Variants in UNC5D observed in about 807,000 individuals in gnomAD.
UNC5D encodes unc-5 netrin receptor D.
A neutral mutation model predicts 105.4 loss-of-function variants in UNC5D; 39 were observed. The ratio of observed to expected loss-of-function variants is 0.37; its 90% confidence interval spans 0.29 to 0.48. UNC5D has a LOEUF of 0.48. Among genes scored for constraint, UNC5D ranks in the 20% least tolerant of loss-of-function variants. The pLI, the probability that UNC5D is intolerant of heterozygous loss-of-function variation, is 0.98. For synonymous variants in UNC5D, 452 were observed against 450.4 expected (o/e 1.00, Z -0.04); for missense variants, 991 against 1,202.4 (o/e 0.82, Z 2.60).
intron 4 of UNC5D, among the ~76,000 whole-genome samples, chr8:35,623,495 C>T (rs1468419539): frequency 1.3e-5 from 2 of 152,098 alleles, no homozygotes; most frequent in Non-Finnish European, 2.9e-5. Flanking sequence ...TCTGGCATCT[C>T]TGTTTATTTA....
chr8:35,539,127 T>C (rs1440773663), intron 1 of UNC5D, among the ~76,000 whole-genome samples: 1 of 152,008 alleles, frequency 6.6e-6, no homozygotes, highest in Non-Finnish European at 1.5e-5. Context: ...AATGAGATAA[T>C]ATATTACAAA....
At chr8:35,312,468 T>C (rs1346333534) in intron 1 of UNC5D, among the ~76,000 whole-genome samples, 2 of 152,218 alleles carry the variant, frequency 1.3e-5, no homozygotes, top group Admixed American at 1.3e-4. Flanking sequence ...TCTTGTATGT[T>C]CATACCACAT....
intron 2 of UNC5D, among the ~76,000 whole-genome samples, chr8:35,564,643 A>T (rs547448314): frequency 2.4e-4 from 36 of 152,196 alleles, no homozygotes; most frequent in Non-Finnish European, 4.0e-4. Context: ...GTTTTTGGTT[A>T]CACGGATGAA....
intron 1 of UNC5D, among the ~76,000 whole-genome samples, chr8:35,438,796 G>A (rs995600056): frequency 2.0e-5 from 3 of 152,018 alleles, no homozygotes; most frequent in Non-Finnish European, 4.4e-5. Context: ...GAGAGCTAAA[G>A]AATTTAGGAT....
intron 2 of UNC5D, among the ~76,000 whole-genome samples, chr8:35,565,922 CCTGCCAACT>C (rs1817304319): frequency 6.6e-6 from 1 of 152,186 alleles, no homozygotes; most frequent in Non-Finnish European, 1.5e-5. Context: ...CTTGCCTTTG[CCTGCCAACT>C]CTGCCTTCTC....
intron 1 of UNC5D, among the ~76,000 whole-genome samples, chr8:35,449,373 G>A (rs1342354948): frequency 2.6e-5 from 4 of 152,000 alleles, no homozygotes; most frequent in Admixed American, 6.6e-5. Context: ...GCTTCTGCTC[G>A]TGGTCTCTGA....
chr8:35,756,961 A>G (rs1448254763), intron 13 of UNC5D, among the ~76,000 whole-genome samples: 2 of 152,170 alleles, frequency 1.3e-5, no homozygotes, highest in Non-Finnish European at 2.9e-5. Flanking sequence ...CTGTTATACT[A>G]TGGCTTTAAT....
chr8:35,361,684 A>G (rs1432070493), intron 1 of UNC5D, among the ~76,000 whole-genome samples: 7 of 152,156 alleles, frequency 4.6e-5, no homozygotes, highest in Non-Finnish European at 8.8e-5. Context: ...TCTCAGAATC[A>G]CTTATGCAGC....
At chr8:35,588,261 A>C (rs1818926745) in intron 3 of UNC5D, among the ~76,000 whole-genome samples, 1 of 152,044 alleles carries the variant, frequency 6.6e-6, no homozygotes, top group South Asian at 2.1e-4. Context: ...ATGTGATATG[A>C]AAACTTAGGA....
chr8:35,263,610 A>G (rs1163908833), intron 1 of UNC5D, among the ~76,000 whole-genome samples: 5 of 152,184 alleles, frequency 3.3e-5, no homozygotes, highest in Non-Finnish European at 7.4e-5. Context: ...CCACCTAATA[A>G]TGAAGCCACA....
At chr8:35,612,539 A>G (rs971398922) in intron 4 of UNC5D, among the ~76,000 whole-genome samples, 7 of 152,120 alleles carry the variant, frequency 4.6e-5, no homozygotes, top group African/African-American at 1.7e-4. Flanking sequence ...TCAAATGGCT[A>G]AAAACATGTT....
At chr8:35,309,322 C>A (rs941188960) in intron 1 of UNC5D, among the ~76,000 whole-genome samples, 15 of 152,156 alleles carry the variant, frequency 9.9e-5, no homozygotes, top group African/African-American at 3.6e-4. Flanking sequence ...GTTGCAGGTG[C>A]AACACTGAGG....
intron 1 of UNC5D, among the ~76,000 whole-genome samples, chr8:35,526,172 G>A (rs115994565): frequency 1.3e-3 from 191 of 152,242 alleles, no homozygotes; most frequent in African/African-American, 4.5e-3. Context: ...ACTGAAATCT[G>A]GTGTTTTCTA....
intron 4 of UNC5D, among the ~76,000 whole-genome samples, chr8:35,676,874 G>A (rs1825267570): frequency 6.6e-6 from 1 of 151,818 alleles, no homozygotes; most frequent in Non-Finnish European, 1.5e-5. Context: ...GTGGACGAGG[G>A]GGGCAAATCT....
intron 1 of UNC5D, among the ~76,000 whole-genome samples, chr8:35,364,765 A>C (rs1002147002): frequency 1.6e-4 from 25 of 152,280 alleles, no homozygotes; most frequent in African/African-American, 5.8e-4. Context: ...CATAACAAGA[A>C]CCTACCCCTT....
Position 35,789,895 on chromosome 8 carries a change from A to AACACACACAC in UNC5D, c.2658-436_2658-427dup, listed in dbSNP as rs56702865. On this transcript the variant is annotated intron_variant, in intron 16 of 16. Coordinates refer to ENST00000404895, the MANE Select transcript of UNC5D (RefSeq NM_080872.4). ...ATGTCAAGGGGATAGTCAAGAAGAA[A>AACACACACAC]ACACACACACACACACACACACACA... 3.0e-3 allele frequency among the ~76,000 whole-genome samples: 422 copies of AACACACACAC among 142,774 alleles called. 2 individuals are homozygous for AACACACACAC. The highest frequency in any genetic ancestry group is 9.6e-3 in the African/African-American group (374 of 38,810). The allele number at this position is 142,774 out of a possible 152,430, so 93.7% of individuals were successfully genotyped here.
intron 1 of UNC5D, among the ~76,000 whole-genome samples, chr8:35,537,511 C>T (rs1204401986): frequency 1.3e-5 from 2 of 152,012 alleles, no homozygotes; most frequent in African/African-American, 4.8e-5. Context: ...GAAAACATGT[C>T]TCCATAAAAA....
Position 35,750,611 on chromosome 8 carries a change from A to C in UNC5D, c.1965A>C (p.Thr655=). ...EEVMSVEDES[T]SCYCLLDPFA... ...TGATGTCAGTGGAAGATGAATCTAC[A>C]TCCTGTTACTGCCTTTTGGACCCCT... The change falls in exon 13 of 17, where the codon ACA becomes ACC. Residue 655 remains threonine (T), a synonymous_variant. Transcript: ENST00000404895. 2 of 1,614,136 alleles carry C rather than the reference A, an allele frequency of 1.2e-6. No individual in the cohort carries two copies. Among genetic ancestry groups the C allele is most frequent in the Non-Finnish European group, 1.7e-6 (2 of 1,180,006 alleles).
At chr8:35,671,456 A>G (rs916797163) in intron 4 of UNC5D, among the ~76,000 whole-genome samples, 1 of 152,214 alleles carries the variant, frequency 6.6e-6, no homozygotes, top group African/African-American at 2.4e-5. Context: ...TTTGTATTGT[A>G]ATAAAATAGC....
Sources: gnomAD v4.1 joint callset for allele counts (sites outside exome capture counted in the v4.1 genomes callset) on GRCh38, gnomAD v4.1.1 for gene constraint, MANE v1.5 for transcripts, NCBI Gene and HGNC (gene_info 2026-07-23, HGNC 2026-07-21) for gene names.